Variants in MRAP2 observed in about 807,000 individuals in gnomAD.
MRAP2 encodes melanocortin-2 receptor accessory protein 2.
MRAP2 carries 20 observed loss-of-function variants against 17.4 expected under a neutral mutation model. The ratio of observed to expected loss-of-function variants is 1.15; its 90% CI spans 0.81 to 1.67. MRAP2 has a LOEUF of 1.67. MRAP2 is among the 40% of genes most tolerant of loss of function. MRAP2 has a pLI of 0.00. For missense variants in MRAP2, 238 were observed against 240.0 expected, an observed-to-expected ratio of 0.99 and a Z score of 0.05; for synonymous variants, 96 against 88.4, an observed-to-expected ratio of 1.09 and a Z score of -0.48.
At chr6:84,122,352 CAAAAAAA>C in the MRAP2 span, among the ~76,000 whole-genome samples, 11 of 36,152 alleles carry the variant, frequency 3.0e-4, no homozygotes, top group African/African-American at 6.8e-4. Flanking sequence ...ACAGCACATC[CAAAAAAA>C]AAAAAAAAAA....
At chr6:84,076,469 C>T (rs1046661913) in intron 3 of MRAP2, among the ~76,000 whole-genome samples, 1 of 152,206 alleles carries the variant, frequency 6.6e-6, no homozygotes. Flanking sequence ...GGTGATCCAC[C>T]TACCTCTGCC....
intron 3 of MRAP2, among the ~76,000 whole-genome samples, chr6:84,081,605 G>A (rs1028822496): frequency 6.6e-5 from 10 of 152,208 alleles, no homozygotes; most frequent in Non-Finnish European, 1.0e-4. Flanking sequence ...GATAATTTGA[G>A]GTCAGGAGTT....
At chr6:84,035,291 T>A in intron 1 of MRAP2, 1 of 371,856 alleles carries the variant, frequency 2.7e-6, no homozygotes, top group South Asian at 1.1e-4. Context: ...CCCAGGAGAC[T>A]TTTTAAAAGA....
chr6:84,058,946 G>T (rs546641216), intron 2 of MRAP2, among the ~76,000 whole-genome samples: 4 of 152,182 alleles, frequency 2.6e-5, no homozygotes, highest in African/African-American at 9.6e-5. Flanking sequence ...TGATGGAATT[G>T]GTTCAAGAAA....
the MRAP2 span, among the ~76,000 whole-genome samples, chr6:84,146,131 T>C: frequency 1.3e-5 from 2 of 152,096 alleles, no homozygotes; most frequent in African/African-American, 4.8e-5. Context: ...TCCTCTTCCT[T>C]TGCCAATCCC....
intron 1 of MRAP2, among the ~76,000 whole-genome samples, chr6:84,037,404 A>AGCTGGCTTT (rs1470574399): frequency 7.9e-5 from 12 of 152,266 alleles, no homozygotes; most frequent in African/African-American, 1.9e-4. Context: ...TCAGGAGCCC[A>AGCTGGCTTT]GCTGGCTTTG....
the MRAP2 span, among the ~76,000 whole-genome samples, chr6:84,117,011 TTTC>T: frequency 2.0e-5 from 3 of 152,048 alleles, no homozygotes; most frequent in Non-Finnish European, 4.4e-5. Flanking sequence ...CTTTCTCTTT[TTTC>T]TTCTTCTTTC....
the MRAP2 span, chr6:84,125,335 T>G: frequency 6.8e-7 from 1 of 1,469,420 alleles, no homozygotes; most frequent in Non-Finnish European, 9.4e-7. Context: ...TGAGGAACAT[T>G]TAACAATCTT....
chr6:84,059,249 C>T (rs2099492462), intron 2 of MRAP2, among the ~76,000 whole-genome samples: 2 of 152,172 alleles, frequency 1.3e-5, no homozygotes, highest in Non-Finnish European at 2.9e-5. Flanking sequence ...ATACCAGACC[C>T]ATGCATGGAT....
At chr6:84,071,629 C>T (rs1201704346) in intron 3 of MRAP2, among the ~76,000 whole-genome samples, 1 of 152,132 alleles carries the variant, frequency 6.6e-6, no homozygotes, top group Non-Finnish European at 1.5e-5. Flanking sequence ...GTCTAGGTCT[C>T]TAGGAAGGCT....
intron 2 of MRAP2, among the ~76,000 whole-genome samples, chr6:84,058,460 T>C (rs371838170): frequency 2.0e-4 from 30 of 152,044 alleles, no homozygotes; most frequent in African/African-American, 7.0e-4. Context: ...GGGAAGAGTA[T>C]GGGAGAAGGA....
intron 1 of MRAP2, among the ~76,000 whole-genome samples, chr6:84,046,899 A>T (rs1416269987): frequency 2.6e-5 from 4 of 151,048 alleles, no homozygotes; most frequent in African/African-American, 7.3e-5. Context: ...CCACCTGTCT[A>T]TGACTCTGTC....
intron 1 of MRAP2, among the ~76,000 whole-genome samples, chr6:84,053,410 T>C (rs1249413137): frequency 6.6e-6 from 1 of 152,234 alleles, no homozygotes; most frequent in South Asian, 2.1e-4. Flanking sequence ...GATGTAAATG[T>C]TGATCATTTT....
chr6:84,111,117 A>AT, the MRAP2 span, among the ~76,000 whole-genome samples: 37 of 151,232 alleles, frequency 2.4e-4, no homozygotes, highest in Admixed American at 4.6e-4. Context: ...AATTTAAAGT[A>AT]TTTTTTTTTC....
At chr6:84,093,676 T>G (rs2129177767), downstream of MRAP2, among the ~76,000 whole-genome samples, 1 of 152,308 alleles carries the variant, frequency 6.6e-6, no homozygotes, top group African/African-American at 2.4e-5. Context: ...TAGGAGGAGT[T>G]TCTCTAGCGC....
At chr6:84,117,653 G>GTGTC in the MRAP2 span, among the ~76,000 whole-genome samples, 1 of 112,068 alleles carries the variant, frequency 8.9e-6, no homozygotes, top group Non-Finnish European at 1.7e-5. Context: ...GTGTGTGTCT[G>GTGTC]TGTGTGTGTG....
intron 2 of MRAP2, among the ~76,000 whole-genome samples, chr6:84,061,249 A>C (rs1249737229): frequency 6.6e-6 from 1 of 152,222 alleles, no homozygotes; most frequent in African/African-American, 2.4e-5. Context: ...GCATTTAAAC[A>C]CATTTAATAT....
the MRAP2 span, among the ~76,000 whole-genome samples, chr6:84,139,157 A>AAAT: frequency 6.6e-6 from 1 of 152,206 alleles, no homozygotes; most frequent in African/African-American, 2.4e-5. Flanking sequence ...TAAAAGTAGG[A>AAAT]AATACATTTT....
chr6:84,059,746 G>A (rs1246995318), intron 2 of MRAP2, among the ~76,000 whole-genome samples: 1 of 152,186 alleles, frequency 6.6e-6, no homozygotes, highest in Non-Finnish European at 1.5e-5. Context: ...AGGACAGAGT[G>A]TGGTAGCTTG....
Sources: allele counts gnomAD v4.1 joint callset (sites outside exome capture counted in the v4.1 genomes callset), GRCh38; gene constraint gnomAD v4.1.1; transcripts MANE v1.5; gene names NCBI Gene and HGNC (gene_info 2026-07-23, HGNC 2026-07-21).